WDFY4: variants seen among roughly 807,000 people sequenced by gnomAD.
The protein encoded by WDFY4 is WDFY family member 4.
In WDFY4, 169 loss-of-function variants were observed where a neutral mutation model predicts 351.9. That is an observed-to-expected ratio of 0.48 (90% CI 0.42 to 0.55). WDFY4 has a LOEUF of 0.55. WDFY4 is among the 20% of genes least tolerant of loss of function. The probability of loss-of-function intolerance (pLI) is 0.00; values close to 1 mark genes in which losing one functional copy is unlikely to be tolerated. For synonymous variants in WDFY4, 1,622 were observed against 1,574.6 expected (o/e 1.03, Z -0.71); for missense variants, 3,803 against 3,935.6 (o/e 0.97, Z 0.90).
In WDFY4 at chr10:48,932,771, C is replaced by G. The variant is rs563651620; in HGVS notation, c.7587-9035C>G. On this transcript the variant is annotated intron_variant, in intron 47 of 61. Coordinates refer to ENST00000325239, the MANE Select transcript of WDFY4 (RefSeq NM_001394531.1). ...AATGCCAAAGTCAGAAAGGGCATAT[C>G]GGTGGGGACGTTGCTAACTCAGACT... The G allele has an allele frequency of 2.0e-5, 3 of 152,092 alleles. No homozygotes were observed. The East Asian group carries it at 5.8e-4, about 29-fold the overall frequency. 9.4% of individuals were successfully genotyped at this position (152,092 alleles called of 1,614,324 possible).
At chr10:48,961,066 T>A (rs2131794620) in intron 53 of WDFY4, among the ~76,000 whole-genome samples, 1 of 152,352 alleles carries the variant, frequency 6.6e-6, no homozygotes, top group Admixed American at 6.5e-5. Context: ...GGGCAAGTTT[T>A]ATTGTATGTA....
Position 48,976,794 on chromosome 10 carries a change from C to T in WDFY4, c.9109-3C>T, listed in dbSNP as rs1276494332. 4.2e-6 allele frequency: 6 copies of T among 1,417,880 alleles called. No individual in the cohort carries two copies. In the East Asian group the frequency reaches 1.1e-4, roughly 26 times the overall value. 87.8% of individuals were successfully genotyped at this position (1,417,880 alleles called of 1,614,324 possible). A position where few individuals can be genotyped will look rare whatever the true frequency, so the allele number is the denominator to read the frequency against. ...TAGAGTGATGCCAGCTCTCACTGCA[C>T]AGGGCACCATTGTCTCCTGTGCGGG... On this transcript the variant is annotated splice_polypyrimidine_tract_variant and splice_region_variant and intron_variant, in intron 58 of 61. Transcript: ENST00000325239.
At chr10:48,895,502 C>T (rs532035983) in intron 44 of WDFY4, among the ~76,000 whole-genome samples, 53 of 152,290 alleles carry the variant, frequency 3.5e-4, no homozygotes, top group African/African-American at 1.1e-3. Context: ...GCTTGGGAGG[C>T]CTTCGTTTCT....
intron 31 of WDFY4, among the ~76,000 whole-genome samples, chr10:48,816,852 T>C (rs2067635576): frequency 6.6e-6 from 1 of 152,186 alleles, no homozygotes; most frequent in Admixed American, 6.5e-5. Flanking sequence ...AACATGTATG[T>C]ATATACAACA....
At chr10:48,910,856 C>G in intron 47 of WDFY4, 1 of 962,008 alleles carries the variant, frequency 1.0e-6, no homozygotes. Flanking sequence ...GAAGGGAGGA[C>G]GTGGACCAGC....
intron 19 of WDFY4, among the ~76,000 whole-genome samples, chr10:48,785,217 G>A (rs191252989): frequency 4.6e-5 from 7 of 152,188 alleles, no homozygotes; most frequent in Admixed American, 6.5e-5. Flanking sequence ...ATATGTGTAT[G>A]TGTGTCTATA....
At chr10:48,922,795 C>A (rs141874926) in intron 47 of WDFY4, among the ~76,000 whole-genome samples, 1 of 152,166 alleles carries the variant, frequency 6.6e-6, no homozygotes, top group African/African-American at 2.4e-5. Context: ...CAAACGTCTA[C>A]ATGAATGGAA....
chr10:48,771,248 A>G (rs1369761626), intron 13 of WDFY4, among the ~76,000 whole-genome samples: 1 of 152,244 alleles, frequency 6.6e-6, no homozygotes, highest in Non-Finnish European at 1.5e-5. Context: ...TGTGTTAGCT[A>G]CATATGGAAG....
At chr10:48,715,597 C>T (rs1286852620) in intron 2 of WDFY4, among the ~76,000 whole-genome samples, 1 of 152,072 alleles carries the variant, frequency 6.6e-6, no homozygotes, top group Non-Finnish European at 1.5e-5. Context: ...CCATTAAATA[C>T]AATAGCAAAG....
At position 48,813,984 on chromosome 10, in the gene WDFY4, C is replaced by T; in HGVS notation, c.5242C>T (p.Leu1748Phe). The T allele has an allele frequency of 6.5e-7, 1 of 1,550,000 alleles. No homozygotes were observed. The highest frequency in any genetic ancestry group is 8.7e-7 in the Non-Finnish European group (1 of 1,146,010). The change falls in exon 31 of 62, where the codon CTC becomes TTC. Residue 1748 changes from leucine to phenylalanine, a missense_variant. Leu to Phe is a conservative substitution (Grantham distance 22). Coordinates refer to ENST00000325239, the MANE Select transcript of WDFY4 (RefSeq NM_001394531.1). ...KDSLDAMLQW[L>F]LQRHHQEEVL... ...CAGCCTTGATGCCATGCTTCAGTGG[C>T]TCCTGCAGAGGCACCACCAGGAAGA...
intron 51 of WDFY4, among the ~76,000 whole-genome samples, chr10:48,953,855 G>A (rs1841460948): frequency 6.6e-6 from 1 of 152,232 alleles, no homozygotes; most frequent in South Asian, 2.1e-4. Context: ...AGGGGTTTAT[G>A]AATGTCTAAT....
chr10:48,911,331 G>A (rs574474665), intron 47 of WDFY4, among the ~76,000 whole-genome samples: 50 of 152,322 alleles, frequency 3.3e-4, no homozygotes, highest in African/African-American at 1.2e-3. Flanking sequence ...ACTGGTAGGC[G>A]TATGTGTGTA....
At chr10:48,722,999 T>C (rs1425752135) in intron 4 of WDFY4, among the ~76,000 whole-genome samples, 4 of 152,182 alleles carry the variant, frequency 2.6e-5, no homozygotes, top group Non-Finnish European at 5.9e-5. Context: ...CTCACCATTG[T>C]TGCTCACACA....
chr10:48,879,747 C>T (rs2070171587), intron 43 of WDFY4, among the ~76,000 whole-genome samples: 1 of 152,164 alleles, frequency 6.6e-6, no homozygotes, highest in African/African-American at 2.4e-5. Context: ...CTCCTGTTCC[C>T]TGCCTGCTGG....
chr10:48,704,972 G>A (rs1358043045), intron 1 of WDFY4, among the ~76,000 whole-genome samples: 1 of 152,036 alleles, frequency 6.6e-6, no homozygotes, highest in Non-Finnish European at 1.5e-5. Flanking sequence ...GAGAGAACCT[G>A]TTGTCATCCC....
chr10:48,723,676 ACTC>A, intron 5 of WDFY4, 109 bp downstream of exon 5: 4 of 1,436,966 alleles, frequency 2.8e-6, no homozygotes, highest in Non-Finnish European at 3.7e-6. Context: ...TGGTTCCTGA[ACTC>A]CTCTGTTCTC....
chr10:48,722,700 A>ACACACACACACGTGCGTGCG (rs937675896), intron 4 of WDFY4, among the ~76,000 whole-genome samples: 2 of 152,116 alleles, frequency 1.3e-5, no homozygotes. Context: ...TGCATCATGC[A>ACACACACACACGTGCGTGCG]CACACACACA....
In WDFY4 at chr10:48,687,097, T is replaced by G. The variant is rs79500567; in HGVS notation, c.-18+2096T>G. 8.7e-3 allele frequency among the ~76,000 whole-genome samples: 1,329 copies of G among 152,322 alleles called. 23 individuals carry two copies. Among genetic ancestry groups the G allele is most frequent in the African/African-American group, 0.03 (1,239 of 41,568 alleles). On this transcript the variant is annotated intron_variant, in intron 1 of 61. Transcript: ENST00000325239. ...AAAGCTATCTTAGCATGTTTTTAAT[T>G]TGCATTGACCAAATTACTAAGGTTG...
At chr10:48,861,547 T>C (rs1249839463) in intron 39 of WDFY4, among the ~76,000 whole-genome samples, 1 of 152,196 alleles carries the variant, frequency 6.6e-6, no homozygotes, top group Non-Finnish European at 1.5e-5. Context: ...TGGCTTCTGA[T>C]GAAAAAAATC....
Sources: allele counts gnomAD v4.1 joint callset (sites outside exome capture counted in the v4.1 genomes callset), GRCh38; gene constraint gnomAD v4.1.1; transcripts MANE v1.5; gene names NCBI Gene and HGNC (gene_info 2026-07-23, HGNC 2026-07-21).